Variants in SLC26A9 observed in about 807,000 individuals in gnomAD.
The protein encoded by SLC26A9 is solute carrier family 26 member 9.
In SLC26A9, 46 loss-of-function variants were observed where a neutral mutation model predicts 87.1. The ratio of observed to expected loss-of-function variants is 0.53; its 90% confidence interval spans 0.42 to 0.67. SLC26A9 has a LOEUF of 0.67. Among genes scored for constraint, SLC26A9 ranks in the 30% least tolerant of loss-of-function variants. SLC26A9 has a pLI of 0.00. For missense variants in SLC26A9, 927 were observed against 1,018.3 expected, an observed-to-expected ratio of 0.91 and a Z score of 1.22; for synonymous variants, 437 against 409.1, an observed-to-expected ratio of 1.07 and a Z score of -0.82.
In SLC26A9 at chr1:205,918,833, A is replaced by G. The variant is rs769228669; in HGVS notation, c.2256+7T>C. On this transcript the variant is annotated splice_region_variant and intron_variant, in intron 19 of 20. Transcript: ENST00000367135. The stretch of plus-strand genomic sequence containing the variant: ...AGCCTAGGATTCCCCAGGTGCAAGA[A>G]CCTTACCCCTTGGAAGTTGTGTCCT... 4.3e-6 allele frequency: 7 copies of G among 1,611,868 alleles called. No individual in the cohort carries two copies. In the Admixed American group the frequency reaches 1.2e-4, roughly 27 times the overall value.
rs773345183 is a variant in SLC26A9 at position 205,921,682 on chromosome 1, C to T, written c.1939G>A (p.Gly647Ser). Residue 647 changes from glycine (G) to serine (S), a missense_variant, in exon 17 of 21, where the codon GGC becomes AGC. By Grantham distance (56) the Gly-to-Ser change is moderately conservative. Coordinates refer to ENST00000367135, the MANE Select transcript of SLC26A9 (RefSeq NM_052934.4). ...CTGGCCAGCATGTCACTGGGCTCGCCGGGGGCCTCAGCGGAGGCTGGTGGC... is the reference window on the plus strand; with the variant it reads ...CTGGCCAGCATGTCACTGGGCTCGCTGGGGGCCTCAGCGGAGGCTGGTGGC... ...SEPPASAEAPGEPSDMLASVP... is the reference protein window; with the variant it reads ...SEPPASAEAPSEPSDMLASVP... 1.3e-4 allele frequency: 211 copies of T among 1,597,280 alleles called. 1 individual carries two copies. The Middle Eastern group carries it at 1.3e-3, about 10-fold the overall frequency.
intron 13 of SLC26A9, among the ~76,000 whole-genome samples, chr1:205,923,962 G>T (rs6690395): frequency 0.89 from 136,071 of 152,198 alleles, 60,815 homozygotes; most frequent in Admixed American, 0.92. Context: ...CTCCCTGCCT[G>T]GGCCAAGACC....
intron 17 of SLC26A9, among the ~76,000 whole-genome samples, chr1:205,920,969 T>A (rs1456178409): frequency 6.6e-6 from 1 of 152,226 alleles, no homozygotes; most frequent in Non-Finnish European, 1.5e-5. Flanking sequence ...GGGCCTGCCC[T>A]GCGCCTGGTT....
Position 205,917,358 on chromosome 1 carries a change from GA to G in SLC26A9, c.2257-5del. 1.2e-6 allele frequency: 2 copies of G among 1,614,018 alleles called. No individual in the cohort carries two copies. Among genetic ancestry groups the G allele is most frequent in the Non-Finnish European group, 1.7e-6 (2 of 1,179,940 alleles). The stretch of plus-strand genomic sequence containing the variant: ...AGAGCTCAGCATCCCCTGGAGCCTG[GA>G]AGGGAGGAAGCCAGTGCAGAATGAG... On this transcript the variant is annotated splice_region_variant and splice_polypyrimidine_tract_variant and intron_variant, in intron 19 of 20. Coordinates refer to ENST00000367135, the MANE Select transcript of SLC26A9 (RefSeq NM_052934.4).
intron 12 of SLC26A9, among the ~76,000 whole-genome samples, chr1:205,925,632 C>G (rs1659034378): frequency 3.3e-5 from 5 of 152,168 alleles, no homozygotes; most frequent in Admixed American, 3.3e-4. Flanking sequence ...CTTCTCTGCC[C>G]TAGGTGGGTG....
rs541780348 is a variant in SLC26A9 at position 205,917,207 on chromosome 1, C to T, written c.2328+76G>A. The T allele has an allele frequency of 3.0e-5, 44 of 1,470,080 alleles. 1 individual carries two copies. The highest frequency in any genetic ancestry group is 3.0e-4 in the South Asian group (26 of 86,930). 91.1% of individuals were successfully genotyped at this position (1,470,080 alleles called of 1,614,324 possible). ...TGGAGGTGAGACAGCTGAGTGAACG[C>T]CTTGTATTTGACAGCGACCCCATCC... On this transcript the variant is annotated intron_variant, in intron 20 of 20. Coordinates refer to ENST00000367135, the MANE Select transcript of SLC26A9 (RefSeq NM_052934.4).
In SLC26A9 at chr1:205,921,718, C is replaced by T. The variant is rs769168793; in HGVS notation, c.1903G>A (p.Ala635Thr). The T allele has an allele frequency of 1.4e-5, 23 of 1,591,106 alleles. No homozygotes were observed. The highest frequency in any genetic ancestry group is 2.0e-5 in the Non-Finnish European group (23 of 1,168,996). ...ITFSPDSSSP[A>T]QSEPPASAEA... ...GCGGAGGCTGGTGGCTCACTCTGGG[C>T]AGGTGAGGAGCTGTCAGGGCTGAAG... The change falls in exon 17 of 21, where the codon GCC (alanine) becomes ACC (threonine). Residue 635 changes from alanine (A) to threonine (T), a missense_variant. Transcript: ENST00000367135.
chr1:205,917,005 ACC>A (rs1207257841), intron 20 of SLC26A9, among the ~76,000 whole-genome samples: 2 of 151,290 alleles, frequency 1.3e-5, no homozygotes, highest in Non-Finnish European at 2.9e-5. Context: ...AGGCAGGAGA[ACC>A]TCTGGAACCC....
At chr1:205,938,468 G>A (rs962310146) in intron 1 of SLC26A9, among the ~76,000 whole-genome samples, 2 of 152,090 alleles carry the variant, frequency 1.3e-5, no homozygotes, top group African/African-American at 2.4e-5. Context: ...ATTTCCAGGA[G>A]GATGAGGCCC....
At chr1:205,935,576 C>T in intron 2 of SLC26A9, 120 bp downstream of exon 2, 1 of 1,464,546 alleles carries the variant, frequency 6.8e-7, no homozygotes, top group Non-Finnish European at 9.3e-7. Context: ...CAGAACCTCA[C>T]TTCCCCAGGG....
At position 205,932,781 on chromosome 1, in the gene SLC26A9, A is replaced by G; in HGVS notation, c.297T>C (p.Pro99=). 3.1e-6 allele frequency: 5 copies of G among 1,600,346 alleles called. No homozygotes were observed. Among genetic ancestry groups the G allele is most frequent in the Non-Finnish European group, 4.3e-6 (5 of 1,173,620 alleles). The change falls in exon 4 of 21, where the codon CCT becomes CCC. Residue 99 remains proline, a synonymous_variant. Coordinates refer to ENST00000367135, the MANE Select transcript of SLC26A9 (RefSeq NM_052934.4). The part of the protein sequence containing the change: ...GMAFALLANL[P]AVNGLYSSFF... Reference sequence around the variant, plus strand: ...AGGAGGAGTAGAGGCCATTGACTGCAGGAAGGTTGGCCAGCAGAGCAAATG... The same window carrying G: ...AGGAGGAGTAGAGGCCATTGACTGCGGGAAGGTTGGCCAGCAGAGCAAATG...
chr1:205,918,218 T>G (rs1238956410), intron 19 of SLC26A9, among the ~76,000 whole-genome samples: 1 of 152,154 alleles, frequency 6.6e-6, no homozygotes, highest in Non-Finnish European at 1.5e-5. Flanking sequence ...CCCTGAGGGC[T>G]AGAGATGACT....
chr1:205,929,174 C>A, intron 7 of SLC26A9, 30 bp downstream of exon 7: 2 of 1,597,810 alleles, frequency 1.3e-6, no homozygotes, highest in South Asian at 1.1e-5. Flanking sequence ...CCTGGCCCCC[C>A]AACATCCCAG....
At chr1:205,929,138 A>G in intron 7 of SLC26A9, 66 bp downstream of exon 7, 1 of 1,571,234 alleles carries the variant, frequency 6.4e-7, no homozygotes, top group Non-Finnish European at 8.6e-7. Flanking sequence ...GGGGTGAGGA[A>G]AGGTAGGGGC....
chr1:205,928,139 C>A, intron 8 of SLC26A9, 90 bp from the exon 9 acceptor site: 5 of 1,465,216 alleles, frequency 3.4e-6, no homozygotes, highest in African/African-American at 1.4e-5. Flanking sequence ...ACCAGCCAGG[C>A]CCCCATGGTG....
intron 19 of SLC26A9, among the ~76,000 whole-genome samples, chr1:205,918,149 G>C (rs1450806098): frequency 6.6e-6 from 1 of 152,176 alleles, no homozygotes; most frequent in African/African-American, 2.4e-5. Context: ...TTTTTACCCA[G>C]GGCTGGGGCA....
At chr1:205,921,899 A>T in intron 16 of SLC26A9, 52 bp from the exon 17 acceptor site, 1 of 1,565,578 alleles carries the variant, frequency 6.4e-7, no homozygotes, top group Non-Finnish European at 8.6e-7. Flanking sequence ...ACTGAGCCAG[A>T]CCTTGCTGTG....
At position 205,932,787 on chromosome 1, in the gene SLC26A9, G is replaced by A. The variant is rs769038162; in HGVS notation, c.291C>T (p.Asn97=). Residue 97 remains asparagine, a synonymous_variant, in exon 4 of 21, where the codon AAC becomes AAT. Coordinates refer to ENST00000367135, the MANE Select transcript of SLC26A9 (RefSeq NM_052934.4). ...PQGMAFALLA[N]LPAVNGLYSS... is the part of the protein sequence containing the mutation. ...AGTAGAGGCCATTGACTGCAGGAAG[G>A]TTGGCCAGCAGAGCAAATGCCATGC... 2 of 1,599,676 alleles carry A rather than the reference G, an allele frequency of 1.3e-6. No homozygotes were observed. Among genetic ancestry groups the A allele is most frequent in the Non-Finnish European group, 1.7e-6 (2 of 1,173,234 alleles).
chr1:205,938,609 T>C (rs1429334950), intron 1 of SLC26A9, among the ~76,000 whole-genome samples: 1 of 152,008 alleles, frequency 6.6e-6, no homozygotes, highest in African/African-American at 2.4e-5. Flanking sequence ...CAAGCCTGAG[T>C]CTCTGTTCCC....
Sources: gnomAD v4.1 joint callset for allele counts (sites outside exome capture counted in the v4.1 genomes callset) on GRCh38, gnomAD v4.1.1 for gene constraint, MANE v1.5 for transcripts, NCBI Gene and HGNC (gene_info 2026-07-23, HGNC 2026-07-21) for gene names.